MTUS2: variants seen among roughly 807,000 people sequenced by gnomAD.
The protein encoded by MTUS2 is microtubule-associated tumor suppressor candidate 2.
In MTUS2, 40 loss-of-function variants were observed where a neutral mutation model predicts 114.1. The observed-to-expected ratio is 0.35, with a 90% CI of 0.27 to 0.46. The LOEUF is 0.46. MTUS2 is among the 20% of genes least tolerant of loss of function. The pLI, the probability that MTUS2 is intolerant of heterozygous loss-of-function variation, is 1.00. For missense variants in MTUS2, 1,679 were observed against 1,705.4 expected, an observed-to-expected ratio of 0.98 and a Z score of 0.27; for synonymous variants, 688 against 672.0, an observed-to-expected ratio of 1.02 and a Z score of -0.37.
At chr13:29,023,507 A>G (rs1172835361) in intron 2 of MTUS2, among the ~76,000 whole-genome samples, 1 of 152,216 alleles carries the variant, frequency 6.6e-6, no homozygotes, top group Non-Finnish European at 1.5e-5. Flanking sequence ...TCATTTGAGA[A>G]TAAGTTAGAA....
chr13:29,150,340 C>T (rs922910326), intron 5 of MTUS2, among the ~76,000 whole-genome samples: 4 of 151,904 alleles, frequency 2.6e-5, no homozygotes, highest in South Asian at 4.1e-4. Flanking sequence ...ATTGGCTCCT[C>T]GTATGTCTTC....
At chr13:28,848,565 G>T (rs906874608) in intron 2 of MTUS2, among the ~76,000 whole-genome samples, 5 of 152,020 alleles carry the variant, frequency 3.3e-5, no homozygotes, top group Admixed American at 3.3e-4. Flanking sequence ...GGTAGGAAGA[G>T]AGATGAATAT....
At chr13:29,360,688 A>AACCCCCCC (rs1870153205) in intron 8 of MTUS2, among the ~76,000 whole-genome samples, 1 of 87,156 alleles carries the variant, frequency 1.1e-5, no homozygotes, top group African/African-American at 3.6e-5. Flanking sequence ...GTAGCCGAAC[A>AACCCCCCC]CCCCCCCCCC....
chr13:28,929,064 A>G (rs918887967), intron 2 of MTUS2, among the ~76,000 whole-genome samples: 1 of 152,176 alleles, frequency 6.6e-6, no homozygotes, highest in African/African-American at 2.4e-5. Context: ...AGCCAAGCAC[A>G]GAAAGGCGAA....
At position 29,382,871 on chromosome 13, in the gene MTUS2, G is replaced by A. The variant is rs553400822; in HGVS notation, c.3117+23398G>A. On this transcript the variant is annotated intron_variant, in intron 8 of 15. Coordinates refer to ENST00000612955, the MANE Select transcript of MTUS2 (RefSeq NM_001033602.4). ...AGATCACAGTGCTCTGGAAATGAGT[G>A]GAGAGGCTTCCTGAAAAAAAAATAG... 1.1e-4 allele frequency among the ~76,000 whole-genome samples: 17 copies of A among 152,262 alleles called. No individual in the cohort carries two copies. In the East Asian group the frequency reaches 1.7e-3, roughly 16 times the overall value.
At chr13:28,984,591 C>G (rs759505944) in intron 2 of MTUS2, among the ~76,000 whole-genome samples, 1 of 152,220 alleles carries the variant, frequency 6.6e-6, no homozygotes, top group East Asian at 1.9e-4. Context: ...AAGCCCCGTT[C>G]TGGCACTGAC....
At position 29,032,121 on chromosome 13, in the gene MTUS2, G is replaced by C. The variant is rs936936370; in HGVS notation, c.2206-1764G>C. Among the ~76,000 whole-genome samples the C allele has an allele frequency of 1.1e-4, 16 of 152,256 alleles. No homozygotes were observed. In the East Asian group the frequency reaches 3.1e-3, roughly 29 times the overall value. The stretch of plus-strand genomic sequence containing the variant: ...CTGTCAGTAAAGATGAAGGAAAAGA[G>C]TATGAAGCTTTCTGTAGATTCCCTT... On this transcript the variant is annotated intron_variant, in intron 3 of 15. Coordinates refer to ENST00000612955, the MANE Select transcript of MTUS2 (RefSeq NM_001033602.4).
intron 7 of MTUS2, among the ~76,000 whole-genome samples, chr13:29,339,257 C>T (rs751018035): frequency 2.2e-4 from 34 of 152,284 alleles, no homozygotes; most frequent in Middle Eastern, 3.4e-3. Context: ...GGGAAGGCTG[C>T]TTCTCCTGGA....
At chr13:29,344,173 A>G (rs577813236) in intron 7 of MTUS2, among the ~76,000 whole-genome samples, 65 of 152,134 alleles carry the variant, frequency 4.3e-4, no homozygotes, top group Non-Finnish European at 8.8e-4. Flanking sequence ...CATTTTTTCT[A>G]GGGTATAGTG....
At chr13:29,071,287 AC>A (rs1439909655) in intron 4 of MTUS2, among the ~76,000 whole-genome samples, 4 of 149,548 alleles carry the variant, frequency 2.7e-5, no homozygotes, top group African/African-American at 9.9e-5. Flanking sequence ...GGTGTGAGCC[AC>A]CGTGCCCAGC....
chr13:29,077,613 T>C (rs1158849156), intron 4 of MTUS2, among the ~76,000 whole-genome samples: 1 of 152,222 alleles, frequency 6.6e-6, no homozygotes, highest in Non-Finnish European at 1.5e-5. Flanking sequence ...AGGCTGTGGT[T>C]ATCAGTGAGC....
At chr13:29,175,406 G>A (rs1323681648) in intron 5 of MTUS2, among the ~76,000 whole-genome samples, 1 of 152,154 alleles carries the variant, frequency 6.6e-6, no homozygotes, top group Non-Finnish European at 1.5e-5. Flanking sequence ...AGCGTTCATA[G>A]GCAGTAACAG....
At chr13:29,090,533 G>T (rs1889895217) in intron 4 of MTUS2, among the ~76,000 whole-genome samples, 1 of 152,254 alleles carries the variant, frequency 6.6e-6, no homozygotes, top group African/African-American at 2.4e-5. Flanking sequence ...GCTGTAGCTG[G>T]TTGCACACTG....
chr13:28,897,879 A>G (rs1879379562), intron 2 of MTUS2, among the ~76,000 whole-genome samples: 1 of 129,334 alleles, frequency 7.7e-6, no homozygotes, highest in Non-Finnish European at 1.6e-5. Flanking sequence ...GAAGGGGAAC[A>G]TCACCCACTG....
Position 29,117,769 on chromosome 13 carries a change from C to A in MTUS2, c.2644+16799C>A, listed in dbSNP as rs1055145611. On this transcript the variant is annotated intron_variant, in intron 5 of 15. Coordinates refer to ENST00000612955, the MANE Select transcript of MTUS2 (RefSeq NM_001033602.4). ...AGCTGCAGCCGTCAACTGCCAACAC[C>A]CATTTACGCTGACCCCTTTGATTAG... 2.6e-5 allele frequency among the ~76,000 whole-genome samples: 4 copies of A among 152,174 alleles called. No individual in the cohort carries two copies. In the East Asian group the frequency reaches 7.7e-4, roughly 29 times the overall value.
At chr13:28,976,838 A>G (rs1349514425) in intron 2 of MTUS2, among the ~76,000 whole-genome samples, 2 of 152,190 alleles carry the variant, frequency 1.3e-5, no homozygotes, top group Non-Finnish European at 2.9e-5. Flanking sequence ...AATGGGAGGA[A>G]TAAGATACAA....
intron 2 of MTUS2, among the ~76,000 whole-genome samples, chr13:28,946,566 C>G (rs1882545835): frequency 6.6e-6 from 1 of 152,146 alleles, no homozygotes; most frequent in Non-Finnish European, 1.5e-5. Context: ...TTCCTATGAT[C>G]TTCCTTCAGG....
chr13:29,226,418 T>G (rs1050201124), intron 5 of MTUS2, among the ~76,000 whole-genome samples: 2 of 152,182 alleles, frequency 1.3e-5, no homozygotes, highest in African/African-American at 4.8e-5. Context: ...TCACTTAAAA[T>G]ATTAAAATAT....
At chr13:29,486,485 C>A (rs1344909808) in intron 10 of MTUS2, among the ~76,000 whole-genome samples, 1 of 152,194 alleles carries the variant, frequency 6.6e-6, no homozygotes, top group Non-Finnish European at 1.5e-5. Context: ...CCTGTGAATT[C>A]TCCCCCAGAG....
Sources: gnomAD v4.1 joint callset for allele counts (sites outside exome capture counted in the v4.1 genomes callset) on GRCh38, gnomAD v4.1.1 for gene constraint, MANE v1.5 for transcripts, NCBI Gene and HGNC (gene_info 2026-07-23, HGNC 2026-07-21) for gene names.